Variants in STAG1 observed in about 807,000 individuals in gnomAD.
The protein encoded by STAG1 is cohesin subunit SA-1.
A neutral mutation model predicts 170.9 loss-of-function variants in STAG1; 26 were observed. That is an observed-to-expected ratio of 0.15 (90% CI 0.11 to 0.21). The LOEUF (loss-of-function observed/expected upper bound fraction) is 0.21, where lower values mean the gene tolerates loss of function less well. STAG1 is among the 10% of genes least tolerant of loss of function. The probability of loss-of-function intolerance (pLI) is 1.00; values close to 1 mark genes in which losing one functional copy is unlikely to be tolerated. For synonymous variants in STAG1, 514 were observed against 497.7 expected (o/e 1.03, Z -0.44); for missense variants, 964 against 1,509.5 (o/e 0.64, Z 5.99).
intron 22 of STAG1, among the ~76,000 whole-genome samples, chr3:136,382,400 T>C (rs34324561): frequency 2.3e-4 from 35 of 149,922 alleles, no homozygotes; most frequent in Middle Eastern, 6.8e-3. Flanking sequence ...ACCAAGGCTT[T>C]CTTTTTTTTT....
At chr3:136,357,452 A>C (rs1331804162) in intron 28 of STAG1, among the ~76,000 whole-genome samples, 2 of 152,224 alleles carry the variant, frequency 1.3e-5, no homozygotes, top group Non-Finnish European at 2.9e-5. Flanking sequence ...ACAATGGCTA[A>C]ACCAGTGTTT....
chr3:136,506,625 G>T (rs1933779111), intron 7 of STAG1, among the ~76,000 whole-genome samples: 1 of 127,240 alleles, frequency 7.9e-6, no homozygotes, highest in Admixed American at 9.7e-5. Flanking sequence ...CAGCCTGTGA[G>T]ACACAGCAAG....
chr3:136,538,891 T>C (rs1396715357), intron 6 of STAG1, among the ~76,000 whole-genome samples: 1 of 152,066 alleles, frequency 6.6e-6, no homozygotes, highest in African/African-American at 2.4e-5. Flanking sequence ...TCCCAGCACT[T>C]TGGGAGGCCG....
rs763369106 is a variant in STAG1, at chr3:136,521,188, A to G, written c.676+25T>C. The G allele has an allele frequency of 3.8e-6, 6 of 1,580,686 alleles. No individual in the cohort carries two copies. In the African/African-American group the frequency reaches 8.1e-5, roughly 21 times the overall value. On this transcript the variant is annotated intron_variant, in intron 7 of 33. Coordinates refer to ENST00000383202, the MANE Select transcript of STAG1 (RefSeq NM_005862.3). ...ACATAGTCAACAAAACTAAATGAAA[A>G]GGAAATAAAATGTTAATTACTTACC...
chr3:136,464,658 T>C (rs1043341249), intron 13 of STAG1, among the ~76,000 whole-genome samples: 4 of 150,614 alleles, frequency 2.7e-5, no homozygotes, highest in South Asian at 2.1e-4. Context: ...CTGAGAATCA[T>C]CCTCTCAGAT....
rs1031845014 is a variant in STAG1, at chr3:136,566,220, T to C, written c.394+2545A>G. 1.4e-4 allele frequency among the ~76,000 whole-genome samples: 21 copies of C among 152,172 alleles called. No homozygotes were observed. In the East Asian group the frequency reaches 4.0e-3, roughly 29 times the overall value. ...GGACCTTTGGGATGCAATTAGGTGA[T>C]GAGTGGGACCCTCATGAATGAGATT... On this transcript the variant is annotated intron_variant, in intron 5 of 33. Coordinates refer to ENST00000383202, the MANE Select transcript of STAG1 (RefSeq NM_005862.3).
At chr3:136,395,417 G>A (rs912766292) in intron 22 of STAG1, among the ~76,000 whole-genome samples, 4 of 152,128 alleles carry the variant, frequency 2.6e-5, no homozygotes, top group African/African-American at 9.7e-5. Flanking sequence ...GAGGTCAGGA[G>A]TCCAAGACCA....
chr3:136,471,212 A>C (rs1193976322), intron 12 of STAG1, among the ~76,000 whole-genome samples: 1 of 152,160 alleles, frequency 6.6e-6, no homozygotes, highest in Non-Finnish European at 1.5e-5. Context: ...CATGAGAAAC[A>C]TAGTAAGAAT....
intron 12 of STAG1, among the ~76,000 whole-genome samples, chr3:136,466,253 GAAAAAA>G (rs1275455551): frequency 6.6e-6 from 1 of 151,974 alleles, no homozygotes; most frequent in African/African-American, 2.4e-5. Flanking sequence ...TAAAAACCTT[GAAAAAA>G]GACTAGATGA....
intron 4 of STAG1, among the ~76,000 whole-genome samples, chr3:136,571,809 A>G (rs1937274261): frequency 6.6e-6 from 1 of 152,160 alleles, no homozygotes; most frequent in South Asian, 2.1e-4. Flanking sequence ...TGAGCCCAGG[A>G]GTTTGAGGCT....
chr3:136,501,804 T>A (rs773167990), intron 8 of STAG1, among the ~76,000 whole-genome samples: 4 of 152,206 alleles, frequency 2.6e-5, no homozygotes, highest in African/African-American at 4.8e-5. Context: ...AATGTGATAT[T>A]CTTTTTTCAA....
Position 136,613,313 on chromosome 3 carries a change from C to CAAAAAAAAAAAAA in STAG1, c.133-8853_133-8841dup, listed in dbSNP as rs60449608. ...AAGTGAACAGAGTGAGACTCCGTCT[C>CAAAAAAAAAAAAA]AAAAAAAAAAAAAAAAAAAAAAGAA... On this transcript the variant is annotated intron_variant, in intron 3 of 33. Transcript: ENST00000383202. 2.7e-3 allele frequency among the ~76,000 whole-genome samples: 159 copies of CAAAAAAAAAAAAA among 59,734 alleles called. 10 individuals carry two copies. Among genetic ancestry groups the CAAAAAAAAAAAAA allele is most frequent in the African/African-American group, 2.9e-3 (42 of 14,362 alleles). The allele number at this position is 59,734 out of a possible 152,430, so 39.2% of individuals were successfully genotyped here. A position where few individuals can be genotyped will look rare whatever the true frequency, so the allele number is the denominator to read the frequency against.
At chr3:136,704,661 C>G (rs1014236408) in intron 1 of STAG1, among the ~76,000 whole-genome samples, 1 of 151,364 alleles carries the variant, frequency 6.6e-6, no homozygotes, top group African/African-American at 2.4e-5. Flanking sequence ...AACTCCGTCT[C>G]TACCAAAAAT....
chr3:136,723,869 C>T (rs1288681042), intron 1 of STAG1, among the ~76,000 whole-genome samples: 4 of 146,948 alleles, frequency 2.7e-5, no homozygotes, highest in African/African-American at 5.0e-5. Flanking sequence ...CCGCCCCGTC[C>T]GGGAGGGTGG....
At chr3:136,451,736 C>G (rs1289695950) in intron 14 of STAG1, among the ~76,000 whole-genome samples, 1 of 151,572 alleles carries the variant, frequency 6.6e-6, no homozygotes, top group African/African-American at 2.4e-5. Flanking sequence ...GTACTCCAGC[C>G]TGGGTGACAG....
intron 21 of STAG1, among the ~76,000 whole-genome samples, chr3:136,415,710 T>C (rs1313623511): frequency 6.6e-6 from 1 of 152,108 alleles, no homozygotes; most frequent in African/African-American, 2.4e-5. Flanking sequence ...GTGACGCAGC[T>C]ACTCAGGCGG....
chr3:136,639,160 A>T (rs1311017454), intron 1 of STAG1, among the ~76,000 whole-genome samples: 1 of 145,550 alleles, frequency 6.9e-6, no homozygotes, highest in Non-Finnish European at 1.5e-5. Context: ...CATAAGTAAG[A>T]CTCCCATCTC....
At chr3:136,350,065 G>T (rs917420940) in intron 28 of STAG1, among the ~76,000 whole-genome samples, 1 of 152,098 alleles carries the variant, frequency 6.6e-6, no homozygotes, top group Non-Finnish European at 1.5e-5. Flanking sequence ...GCTTGAACCC[G>T]GGAGGCGGAG....
intron 14 of STAG1, among the ~76,000 whole-genome samples, chr3:136,448,764 C>T (rs1303675557): frequency 6.6e-6 from 1 of 152,134 alleles, no homozygotes; most frequent in East Asian, 1.9e-4. Context: ...CATGGCGAAA[C>T]TCCATCTCTA....
Sources: allele counts gnomAD v4.1 joint callset (sites outside exome capture counted in the v4.1 genomes callset), GRCh38; gene constraint gnomAD v4.1.1; transcripts MANE v1.5; gene names NCBI Gene and HGNC (gene_info 2026-07-23, HGNC 2026-07-21).